Variants in CADM2 observed in about 807,000 individuals in gnomAD.
CADM2 encodes cell adhesion molecule 2.
In CADM2, 12 loss-of-function variants were observed where a neutral mutation model predicts 49.8. The observed-to-expected ratio is 0.24, with a 90% CI of 0.15 to 0.39. CADM2 has a LOEUF of 0.39. Among genes scored for constraint, CADM2 ranks in the 10% least tolerant of loss-of-function variants. The probability of loss-of-function intolerance (pLI) is 1.00; values close to 1 mark genes in which losing one functional copy is unlikely to be tolerated. For missense variants in CADM2, 378 were observed against 492.3 expected, an observed-to-expected ratio of 0.77 and a Z score of 2.20; for synonymous variants, 214 against 175.4, an observed-to-expected ratio of 1.22 and a Z score of -1.74.
intron 1 of CADM2, among the ~76,000 whole-genome samples, chr3:85,161,721 C>A (rs1188366236): frequency 6.6e-6 from 1 of 151,926 alleles, no homozygotes. Context: ...GAGTAAAATA[C>A]AATAGAAATT....
intron 1 of CADM2, among the ~76,000 whole-genome samples, chr3:85,409,454 C>T (rs2107464442): frequency 6.6e-6 from 1 of 152,112 alleles, no homozygotes; most frequent in South Asian, 2.1e-4. Context: ...AGAAGTTTGC[C>T]AGTTGACTAA....
chr3:85,488,139 A>G (rs914586048), intron 1 of CADM2, among the ~76,000 whole-genome samples: 6 of 152,160 alleles, frequency 3.9e-5, no homozygotes, highest in Non-Finnish European at 8.8e-5. Flanking sequence ...TATTCACGTA[A>G]TGAGGAACCC....
intron 1 of CADM2, among the ~76,000 whole-genome samples, chr3:85,060,869 A>G (rs1037537768): frequency 6.6e-6 from 1 of 152,186 alleles, no homozygotes; most frequent in Admixed American, 6.5e-5. Context: ...CACGAGATCA[A>G]CATATTCAAA....
intron 1 of CADM2, among the ~76,000 whole-genome samples, chr3:85,628,430 A>G (rs1018361044): frequency 2.0e-5 from 3 of 151,272 alleles, no homozygotes; most frequent in Non-Finnish European, 4.4e-5. Flanking sequence ...ACTCTGCTCC[A>G]GGTTTTATTT....
chr3:85,724,533 GT>G (rs1033087668), intron 1 of CADM2, among the ~76,000 whole-genome samples: 3 of 151,492 alleles, frequency 2.0e-5, no homozygotes, highest in African/African-American at 7.2e-5. Context: ...ATACAAAATA[GT>G]TCCATACTTC....
chr3:85,568,469 C>T (rs1041197377), intron 1 of CADM2, among the ~76,000 whole-genome samples: 196 of 11,092 alleles, frequency 0.018, 9 homozygotes, highest in African/African-American at 0.029. Context: ...CTTTCTCTTT[C>T]TCTCTCTTTC....
At chr3:85,129,405 G>T (rs2039151447) in intron 1 of CADM2, among the ~76,000 whole-genome samples, 1 of 151,968 alleles carries the variant, frequency 6.6e-6, no homozygotes, top group African/African-American at 2.4e-5. Flanking sequence ...GTAGGCAATT[G>T]TGTATTTAAG....
intron 1 of CADM2, among the ~76,000 whole-genome samples, chr3:85,476,507 G>C (rs1559859607): frequency 6.6e-6 from 1 of 151,784 alleles, no homozygotes. Flanking sequence ...AATACATTCA[G>C]CCTCTATTTT....
At chr3:85,826,835 AC>A (rs1286370585) in intron 3 of CADM2, among the ~76,000 whole-genome samples, 1 of 151,956 alleles carries the variant, frequency 6.6e-6, no homozygotes, top group Non-Finnish European at 1.5e-5. Flanking sequence ...GCTCTGTTTA[AC>A]CTATTTGCAG....
intron 8 of CADM2, among the ~76,000 whole-genome samples, chr3:86,031,233 A>C (rs1481662725): frequency 1.3e-5 from 2 of 151,862 alleles, no homozygotes; most frequent in African/African-American, 4.8e-5. Flanking sequence ...AATTACAGAT[A>C]ACAAATGACC....
intron 1 of CADM2, chr3:85,511,945 A>T (rs151124369): frequency 1.3e-6 from 1 of 797,832 alleles, no homozygotes; most frequent in African/African-American, 1.9e-5. Context: ...GCAATGTTCA[A>T]TATATAAATA....
chr3:85,899,867 T>C (rs1042235300), intron 5 of CADM2, among the ~76,000 whole-genome samples: 1 of 152,176 alleles, frequency 6.6e-6, no homozygotes, highest in Admixed American at 6.5e-5. Flanking sequence ...TCAGTTTCCT[T>C]ACACAGATGC....
intron 1 of CADM2, among the ~76,000 whole-genome samples, chr3:85,240,752 C>T (rs1472678682): frequency 6.6e-6 from 1 of 151,358 alleles, no homozygotes; most frequent in African/African-American, 2.4e-5. Context: ...GCTAAGACAC[C>T]TAAAGATGAG....
intron 2 of CADM2, among the ~76,000 whole-genome samples, chr3:85,744,772 G>C (rs929094566): frequency 6.6e-6 from 1 of 152,046 alleles, no homozygotes; most frequent in Admixed American, 6.6e-5. Flanking sequence ...AAGGAAGTCA[G>C]GAGGAGAGAA....
intron 1 of CADM2, among the ~76,000 whole-genome samples, chr3:85,350,315 CAT>C (rs1343840436): frequency 2.0e-5 from 3 of 152,066 alleles, no homozygotes; most frequent in South Asian, 2.1e-4. Context: ...TGACAAAACA[CAT>C]GTCTAATAAG....
intron 1 of CADM2, among the ~76,000 whole-genome samples, chr3:85,025,253 C>G (rs1341521848): frequency 2.0e-5 from 3 of 152,062 alleles, no homozygotes; most frequent in East Asian, 1.9e-4. Context: ...TATTTGTAAT[C>G]TAAGTGCTTA....
chr3:85,566,434 A>G (rs78504214), intron 1 of CADM2, among the ~76,000 whole-genome samples: 12,377 of 152,162 alleles, frequency 0.081, 978 homozygotes, highest in African/African-American at 0.19. Context: ...CCTACATAAC[A>G]CATTACTCAA....
chr3:85,944,649 GAACA>G (rs1422840629), intron 7 of CADM2, among the ~76,000 whole-genome samples: 10 of 151,902 alleles, frequency 6.6e-5, no homozygotes, highest in Non-Finnish European at 1.5e-4. Context: ...CATGGAAACT[GAACA>G]AACAACCTGC....
intron 1 of CADM2, among the ~76,000 whole-genome samples, chr3:85,601,130 GTATATATATATATATATATATATATATA>G (rs375011644): frequency 1.8e-5 from 2 of 109,650 alleles, no homozygotes; most frequent in South Asian, 2.9e-4. Flanking sequence ...ATATATGTGT[GTATATATATATATATATATATATATATA>G]TATATATATA....
Sources: gnomAD v4.1 joint callset for allele counts (sites outside exome capture counted in the v4.1 genomes callset) on GRCh38, gnomAD v4.1.1 for gene constraint, MANE v1.5 for transcripts, NCBI Gene and HGNC (gene_info 2026-07-23, HGNC 2026-07-21) for gene names.